GPC6: variants seen among roughly 807,000 people sequenced by gnomAD.
The protein encoded by GPC6 is glypican-6.
Under a neutral mutation model 55.2 loss-of-function variants are expected in GPC6, and 14 were observed. The observed-to-expected ratio is 0.25, with a 90% CI of 0.17 to 0.40. The LOEUF is 0.40. Ranked by LOEUF, GPC6 falls within the 10% of genes least tolerant of loss-of-function variation. The probability of loss-of-function intolerance (pLI) is 1.00; values close to 1 mark genes in which losing one functional copy is unlikely to be tolerated. For synonymous variants in GPC6, 278 were observed against 259.6 expected (o/e 1.07, Z -0.68); for missense variants, 641 against 708.5 (o/e 0.90, Z 1.08).
At chr13:93,637,764 T>C (rs185818738) in intron 2 of GPC6, among the ~76,000 whole-genome samples, 2 of 152,200 alleles carry the variant, frequency 1.3e-5, no homozygotes, top group East Asian at 1.9e-4. Context: ...TCAACACATA[T>C]TGCCATATGA....
intron 7 of GPC6, among the ~76,000 whole-genome samples, chr13:94,382,763 C>G (rs1880223112): frequency 6.6e-6 from 1 of 152,192 alleles, no homozygotes; most frequent in Admixed American, 6.5e-5. Flanking sequence ...AATCCTCATT[C>G]AGAATGTCTT....
In GPC6 at chr13:93,734,109, G is replaced by A. The variant is rs968230114; in HGVS notation, c.320-96045G>A. On this transcript the variant is annotated intron_variant, in intron 2 of 8. Transcript: ENST00000377047. ...GTAGGATTAGAATTCTGCAGTTTTG[G>A]GTTGAAAATGAAAATATTGTTGTTT... is the stretch of plus-strand genomic sequence containing the variant. 1.7e-4 allele frequency among the ~76,000 whole-genome samples: 4 copies of A among 22,964 alleles called. No homozygotes were observed. The Admixed American group carries it at 3.1e-3, about 18-fold the overall frequency. The allele number at this position is 22,964 out of a possible 152,430, so 15.1% of individuals were successfully genotyped here.
In GPC6 at chr13:94,086,365, C is replaced by T. The variant is rs78152186; in HGVS notation, c.877+58471C>T. ...AGAGAGCCTGTGGCTAAAATGAGATCGGATGAGTGGAATGAAATACTATCT... is the reference window on the plus strand; with the variant it reads ...AGAGAGCCTGTGGCTAAAATGAGATTGGATGAGTGGAATGAAATACTATCT... On this transcript the variant is annotated intron_variant, in intron 4 of 8. Transcript: ENST00000377047. 6.7e-3 allele frequency among the ~76,000 whole-genome samples: 1,016 copies of T among 152,056 alleles called. 10 individuals carry two copies. The highest frequency in any genetic ancestry group is 0.022 in the African/African-American group (920 of 41,454).
intron 3 of GPC6, among the ~76,000 whole-genome samples, chr13:93,903,423 C>A (rs1280431472): frequency 6.6e-6 from 1 of 152,184 alleles, no homozygotes; most frequent in South Asian, 2.1e-4. Context: ...TGCTGCAGAA[C>A]TTTCAAAGAT....
chr13:93,321,423 C>G (rs1287247415), intron 1 of GPC6, among the ~76,000 whole-genome samples: 5 of 151,994 alleles, frequency 3.3e-5, no homozygotes, highest in Non-Finnish European at 7.4e-5. Flanking sequence ...TCTGTTATTT[C>G]TTGGATTTGA....
intron 2 of GPC6, among the ~76,000 whole-genome samples, chr13:93,657,279 A>T (rs1013462673): frequency 3.3e-5 from 5 of 152,064 alleles, no homozygotes; most frequent in Non-Finnish European, 7.4e-5. Flanking sequence ...TGGGTTAGAG[A>T]ACCCAGAAAT....
intron 1 of GPC6, among the ~76,000 whole-genome samples, chr13:93,426,491 GT>G (rs35543518): frequency 0.93 from 139,670 of 150,282 alleles, 65,777 homozygotes; most frequent in East Asian, 1. Context: ...GCAGTGTTTG[GT>G]TTTTTTGTTC....
At chr13:94,106,588 G>A (rs778091306) in intron 4 of GPC6, among the ~76,000 whole-genome samples, 5 of 151,916 alleles carry the variant, frequency 3.3e-5, no homozygotes, top group East Asian at 1.9e-4. Flanking sequence ...AAAAAGAGAC[G>A]AGCAATGCAT....
At chr13:93,589,582 G>A (rs1877367237) in intron 2 of GPC6, among the ~76,000 whole-genome samples, 1 of 152,110 alleles carries the variant, frequency 6.6e-6, no homozygotes, top group African/African-American at 2.4e-5. Flanking sequence ...CTTGTCAAAG[G>A]GGACTGATCT....
chr13:93,547,487 C>T (rs954862210), intron 2 of GPC6, among the ~76,000 whole-genome samples: 3 of 152,142 alleles, frequency 2.0e-5, no homozygotes, highest in African/African-American at 7.2e-5. Flanking sequence ...AAAGAAACCT[C>T]TCTCCACTCT....
At chr13:93,901,588 A>C (rs145244501) in intron 3 of GPC6, among the ~76,000 whole-genome samples, 1 of 152,146 alleles carries the variant, frequency 6.6e-6, no homozygotes, top group Non-Finnish European at 1.5e-5. Context: ...TTAACAGATC[A>C]AACAAGACAT....
intron 3 of GPC6, among the ~76,000 whole-genome samples, chr13:93,868,444 TTAA>T (rs1442991399): frequency 2.0e-5 from 3 of 151,810 alleles, no homozygotes; most frequent in African/African-American, 7.2e-5. Flanking sequence ...AAATAATAAG[TTAA>T]TAATTTTGCT....
intron 4 of GPC6, among the ~76,000 whole-genome samples, chr13:94,167,660 G>C (rs1888413346): frequency 6.6e-6 from 1 of 152,084 alleles, no homozygotes; most frequent in African/African-American, 2.4e-5. Context: ...GAGTGTTCCA[G>C]GCAGAAGGAA....
At chr13:93,857,477 C>A (rs1888660049) in intron 3 of GPC6, among the ~76,000 whole-genome samples, 1 of 151,456 alleles carries the variant, frequency 6.6e-6, no homozygotes, top group Non-Finnish European at 1.5e-5. Flanking sequence ...AGTGATATAA[C>A]AACAGTTTAT....
chr13:94,238,389 T>G (rs1318753596), intron 4 of GPC6, among the ~76,000 whole-genome samples: 1 of 152,094 alleles, frequency 6.6e-6, no homozygotes, highest in Non-Finnish European at 1.5e-5. Context: ...CTGAATTTGC[T>G]TAGAAGCTGG....
chr13:93,874,416 A>C (rs561536643), intron 3 of GPC6, among the ~76,000 whole-genome samples: 1 of 151,834 alleles, frequency 6.6e-6, no homozygotes, highest in African/African-American at 2.4e-5. Context: ...TCCGTGGTGT[A>C]TATGTACCAT....
rs1879098219 is a variant in GPC6 at position 93,624,256 on chromosome 13, G to A, written c.319+78835G>A. 1.3e-5 allele frequency among the ~76,000 whole-genome samples: 2 copies of A among 152,004 alleles called. 1 individual carries two copies. The highest frequency in any genetic ancestry group is 4.1e-4 in the South Asian group (2 of 4,836). Reference sequence around the variant, plus strand: ...AGAGCTGGCAGTGGACAAGCTAATGGGAGACCCAGTAACTAGCAGCACAGC... The same window carrying A: ...AGAGCTGGCAGTGGACAAGCTAATGAGAGACCCAGTAACTAGCAGCACAGC... On this transcript the variant is annotated intron_variant, in intron 2 of 8. Transcript: ENST00000377047.
intron 1 of GPC6, among the ~76,000 whole-genome samples, chr13:93,376,030 A>G (rs1340467251): frequency 6.6e-6 from 1 of 150,872 alleles, no homozygotes; most frequent in Admixed American, 6.7e-5. Flanking sequence ...TATTTGTGCA[A>G]TAGATCATGC....
chr13:93,583,308 G>T (rs937705797), intron 2 of GPC6, among the ~76,000 whole-genome samples: 13 of 150,320 alleles, frequency 8.6e-5, no homozygotes, highest in Non-Finnish European at 1.3e-4. Flanking sequence ...CTTCTTATTG[G>T]TTCTGAATTT....
Sources: allele counts gnomAD v4.1 joint callset (sites outside exome capture counted in the v4.1 genomes callset), GRCh38; gene constraint gnomAD v4.1.1; transcripts MANE v1.5; gene names NCBI Gene and HGNC (gene_info 2026-07-23, HGNC 2026-07-21).